Variants in ADAMTSL1 observed in about 807,000 individuals in gnomAD.
ADAMTSL1 encodes ADAMTS like 1.
In ADAMTSL1, 126 loss-of-function variants were observed where a neutral mutation model predicts 201.8. The ratio of observed to expected loss-of-function variants is 0.62; its 90% confidence interval spans 0.54 to 0.72. ADAMTSL1 has a LOEUF of 0.72. Ranked by LOEUF, ADAMTSL1 falls within the 30% of genes least tolerant of loss-of-function variation. The pLI is 0.00. For synonymous variants in ADAMTSL1, 1,121 were observed against 903.4 expected, an observed-to-expected ratio of 1.24 and a Z score of -4.32; for missense variants, 2,679 against 2,277.8, an observed-to-expected ratio of 1.18 and a Z score of -3.59.
At chr9:18,720,676 G>T (rs568680054) in intron 14 of ADAMTSL1, among the ~76,000 whole-genome samples, 1 of 152,144 alleles carries the variant, frequency 6.6e-6, no homozygotes. Flanking sequence ...CCAGCTACTC[G>T]GGAGGCTGAG....
At chr9:18,505,625 T>G (rs1354533898) in intron 2 of ADAMTSL1, among the ~76,000 whole-genome samples, 1 of 152,210 alleles carries the variant, frequency 6.6e-6, no homozygotes, top group Admixed American at 6.5e-5. Context: ...AACTCCTTCT[T>G]GAGCTGTGTG....
chr9:17,952,028 T>C (rs1827747406), intron 1 of ADAMTSL1, among the ~76,000 whole-genome samples: 1 of 152,074 alleles, frequency 6.6e-6, no homozygotes, highest in Non-Finnish European at 1.5e-5. Flanking sequence ...CTTGAACTCC[T>C]GGGTCTCAAG....
At chr9:18,063,346 T>C (rs1264841448) in intron 1 of ADAMTSL1, among the ~76,000 whole-genome samples, 2 of 152,196 alleles carry the variant, frequency 1.3e-5, no homozygotes, top group Non-Finnish European at 2.9e-5. Context: ...AAGAGCCCAC[T>C]ATTAAACAAA....
At chr9:18,258,657 G>A (rs748435687) in intron 2 of ADAMTSL1, among the ~76,000 whole-genome samples, 6 of 152,096 alleles carry the variant, frequency 3.9e-5, no homozygotes, top group Non-Finnish European at 8.8e-5. Context: ...ATCCCCGCCC[G>A]CATCATCGAT....
At chr9:18,775,479 A>G (rs1275342558) in intron 17 of ADAMTSL1, among the ~76,000 whole-genome samples, 1 of 152,142 alleles carries the variant, frequency 6.6e-6, no homozygotes, top group Non-Finnish European at 1.5e-5. Context: ...ACACTCCATA[A>G]CTCTCTAACT....
chr9:18,568,567 G>T (rs934541656), intron 3 of ADAMTSL1, among the ~76,000 whole-genome samples: 2 of 152,204 alleles, frequency 1.3e-5, no homozygotes, highest in East Asian at 3.9e-4. Context: ...GTGGTTATCC[G>T]CAGTTGTTGG....
chr9:18,348,873 A>G (rs1361165812), intron 2 of ADAMTSL1, among the ~76,000 whole-genome samples: 1 of 152,224 alleles, frequency 6.6e-6, no homozygotes, highest in African/African-American at 2.4e-5. Flanking sequence ...GATATAAAAC[A>G]TAACTCCTAC....
intron 2 of ADAMTSL1, among the ~76,000 whole-genome samples, chr9:18,455,525 T>C (rs1377224614): frequency 6.6e-6 from 1 of 152,004 alleles, no homozygotes; most frequent in East Asian, 1.9e-4. Context: ...TCCTAATCTT[T>C]TTTTTTTTAA....
At chr9:18,071,385 C>A (rs980004158) in intron 1 of ADAMTSL1, among the ~76,000 whole-genome samples, 2 of 152,198 alleles carry the variant, frequency 1.3e-5, no homozygotes, top group African/African-American at 4.8e-5. Context: ...ATACTTGGAA[C>A]AACAGGGGTT....
At chr9:18,301,766 G>A (rs1172292781) in intron 2 of ADAMTSL1, among the ~76,000 whole-genome samples, 1 of 152,188 alleles carries the variant, frequency 6.6e-6, no homozygotes, top group Non-Finnish European at 1.5e-5. Flanking sequence ...ATTAGAAAAT[G>A]TACTAACCTT....
chr9:18,613,875 C>A (rs1382967905), intron 4 of ADAMTSL1, among the ~76,000 whole-genome samples: 1 of 152,058 alleles, frequency 6.6e-6, no homozygotes, highest in East Asian at 1.9e-4. Flanking sequence ...GCACATGTAC[C>A]CCTGAACTTA....
At chr9:18,038,082 G>T (rs62553126) in intron 1 of ADAMTSL1, among the ~76,000 whole-genome samples, 10 of 152,314 alleles carry the variant, frequency 6.6e-5, no homozygotes, top group African/African-American at 2.4e-4. Flanking sequence ...ACAAGATGCA[G>T]TATCCATGGA....
In ADAMTSL1 at chr9:18,777,689, G is replaced by A. The variant is rs776062342; in HGVS notation, c.3460G>A (p.Gly1154Arg). Residue 1154 changes from glycine (G) to arginine (R), a missense_variant, in exon 19 of 29, where the codon GGG (glycine) becomes AGG (arginine). By Grantham distance (125) the Gly-to-Arg change is moderately radical. Transcript: ENST00000380548. ...SLRTSSTGDAGGGSRRPHRKP... is the reference protein window; with the variant it reads ...SLRTSSTGDARGGSRRPHRKP... ...GCGGACCTCCTCCACCGGGGACGCC[G>A]GGGGAGGCTCTCGAAGGCCACACCG... The A allele has an allele frequency of 6.2e-6, 10 of 1,613,100 alleles. No homozygotes were observed. Among genetic ancestry groups the A allele is most frequent in the African/African-American group, 1.3e-5 (1 of 75,048 alleles).
chr9:18,558,957 T>G (rs1821291949), intron 3 of ADAMTSL1, among the ~76,000 whole-genome samples: 1 of 152,252 alleles, frequency 6.6e-6, no homozygotes, highest in South Asian at 2.1e-4. Flanking sequence ...TTCTGTAGGT[T>G]GCCTATTCAC....
intron 2 of ADAMTSL1, among the ~76,000 whole-genome samples, chr9:18,207,314 A>G (rs1167358298): frequency 6.6e-6 from 1 of 152,180 alleles, no homozygotes; most frequent in African/African-American, 2.4e-5. Context: ...ATTATTGGGC[A>G]CTTGTGTGAT....
chr9:18,367,232 G>C (rs191502302), intron 2 of ADAMTSL1, among the ~76,000 whole-genome samples: 1 of 151,980 alleles, frequency 6.6e-6, no homozygotes. Context: ...GTAAATATAA[G>C]GTTTTATTTA....
chr9:18,389,470 A>G (rs1837953845), intron 2 of ADAMTSL1, among the ~76,000 whole-genome samples: 1 of 152,264 alleles, frequency 6.6e-6, no homozygotes, highest in Non-Finnish European at 1.5e-5. Flanking sequence ...ATCCAATCAG[A>G]ATGGCTATCC....
At chr9:18,229,741 G>C (rs1407274854) in intron 2 of ADAMTSL1, among the ~76,000 whole-genome samples, 2 of 151,686 alleles carry the variant, frequency 1.3e-5, no homozygotes, top group Non-Finnish European at 2.9e-5. Flanking sequence ...TGTTGCCCAG[G>C]CTGGAGTGCA....
intron 2 of ADAMTSL1, among the ~76,000 whole-genome samples, chr9:18,465,269 C>T (rs879865883): frequency 1.3e-5 from 2 of 152,152 alleles, no homozygotes; most frequent in Non-Finnish European, 2.9e-5. Context: ...TAGCTTGGCC[C>T]GTTCCGTTAA....
Sources: allele counts gnomAD v4.1 joint callset (sites outside exome capture counted in the v4.1 genomes callset), GRCh38; gene constraint gnomAD v4.1.1; transcripts MANE v1.5; gene names NCBI Gene and HGNC (gene_info 2026-07-23, HGNC 2026-07-21).